Variants in NRXN1 observed in about 807,000 individuals in gnomAD.
NRXN1 encodes the protein neurexin-1.
A neutral mutation model predicts 150.9 loss-of-function variants in NRXN1; 39 were observed. The observed-to-expected ratio is 0.26, with a 90% confidence interval of 0.20 to 0.34. The LOEUF (loss-of-function observed/expected upper bound fraction) is 0.34. Among genes scored for constraint, NRXN1 ranks in the 10% least tolerant of loss-of-function variants. The pLI, the probability that NRXN1 is intolerant of heterozygous loss-of-function variation, is 1.00. For synonymous variants in NRXN1, 924 were observed against 757.0 expected, an observed-to-expected ratio of 1.22 and a Z score of -3.62; for missense variants, 1,815 against 1,949.9, an observed-to-expected ratio of 0.93 and a Z score of 1.30.
intron 5 of NRXN1, chr2:50,912,359 T>C (rs1469003469): frequency 6.6e-6 from 1 of 152,016 alleles, no homozygotes; most frequent in African/African-American, 2.4e-5. Context: ...AGGGAAGCTC[T>C]ATACATAGAG....
chr2:50,125,463 T>A (rs1003747301), intron 18 of NRXN1, among the ~76,000 whole-genome samples: 5 of 152,110 alleles, frequency 3.3e-5, no homozygotes, highest in African/African-American at 1.2e-4. Context: ...CAACAGGATA[T>A]GAAATCCTGG....
At chr2:50,810,184 C>A (rs1668020714) in intron 5 of NRXN1, among the ~76,000 whole-genome samples, 1 of 152,068 alleles carries the variant, frequency 6.6e-6, no homozygotes, top group African/African-American at 2.4e-5. Context: ...ACATGAGGTC[C>A]AACTAATTCC....
At chr2:50,659,048 A>G (rs1261844911) in intron 5 of NRXN1, among the ~76,000 whole-genome samples, 2 of 151,944 alleles carry the variant, frequency 1.3e-5, no homozygotes, top group Non-Finnish European at 2.9e-5. Context: ...TCACCACCCA[A>G]CTTCTGCCCT....
At chr2:50,017,243 A>T (rs1686799597) in intron 21 of NRXN1, among the ~76,000 whole-genome samples, 1 of 152,156 alleles carries the variant, frequency 6.6e-6, no homozygotes, top group South Asian at 2.1e-4. Context: ...GCCTTATAAT[A>T]TGTCAACTCT....
At chr2:50,260,191 C>T (rs1484052877) in intron 17 of NRXN1, among the ~76,000 whole-genome samples, 1 of 151,824 alleles carries the variant, frequency 6.6e-6, no homozygotes, top group East Asian at 1.9e-4. Flanking sequence ...ACATAGTGGT[C>T]ATGGGTACTG....
intron 17 of NRXN1, among the ~76,000 whole-genome samples, chr2:50,273,317 C>T (rs1219765612): frequency 6.6e-6 from 1 of 152,104 alleles, no homozygotes; most frequent in East Asian, 1.9e-4. Context: ...TATAAATAGC[C>T]AGTTTAATTA....
intron 5 of NRXN1, among the ~76,000 whole-genome samples, chr2:50,650,617 C>A (rs1172346725): frequency 1.3e-5 from 2 of 151,966 alleles, no homozygotes; most frequent in Non-Finnish European, 2.9e-5. Flanking sequence ...CCTAAACAAG[C>A]AGAAAAGTAG....
At chr2:50,236,169 G>A (rs956980669) in intron 18 of NRXN1, among the ~76,000 whole-genome samples, 3 of 151,878 alleles carry the variant, frequency 2.0e-5, no homozygotes. Flanking sequence ...AATTACTGTG[G>A]GAGGCTTACA....
intron 21 of NRXN1, among the ~76,000 whole-genome samples, chr2:50,050,887 T>C (rs559996995): frequency 1.1e-4 from 17 of 152,158 alleles, no homozygotes; most frequent in African/African-American, 3.8e-4. Context: ...TAAAATACTG[T>C]TGCTACTACT....
chr2:50,257,089 T>A (rs1204441045), intron 17 of NRXN1, among the ~76,000 whole-genome samples: 3 of 152,078 alleles, frequency 2.0e-5, no homozygotes, highest in South Asian at 2.1e-4. Context: ...GCAAGTAAAT[T>A]TGATAGAGAA....
chr2:50,565,210 C>G (rs1329569717), intron 8 of NRXN1, among the ~76,000 whole-genome samples: 2 of 151,890 alleles, frequency 1.3e-5, no homozygotes, highest in Non-Finnish European at 2.9e-5. Context: ...GGAATGGGAC[C>G]TTCTTGTTTT....
chr2:50,741,998 T>C (rs2105276561), intron 5 of NRXN1, among the ~76,000 whole-genome samples: 1 of 152,178 alleles, frequency 6.6e-6, no homozygotes, highest in East Asian at 1.9e-4. Flanking sequence ...GGTGTTTACT[T>C]GCCAACAAAT....
At chr2:49,928,238 T>C (rs553450008) in intron 22 of NRXN1, among the ~76,000 whole-genome samples, 20 of 151,924 alleles carry the variant, frequency 1.3e-4, no homozygotes, top group Non-Finnish European at 2.4e-4. Flanking sequence ...TTGTTAGATG[T>C]CCTGTCTTGC....
At chr2:50,072,820 C>T (rs1696501420) in intron 19 of NRXN1, among the ~76,000 whole-genome samples, 1 of 152,036 alleles carries the variant, frequency 6.6e-6, no homozygotes, top group African/African-American at 2.4e-5. Flanking sequence ...CAGTGAAGGC[C>T]CAGCAAGTGG....
At chr2:50,097,138 A>G (rs775873610) in intron 18 of NRXN1, among the ~76,000 whole-genome samples, 6 of 152,208 alleles carry the variant, frequency 3.9e-5, no homozygotes, top group Non-Finnish European at 7.3e-5. Context: ...GTTTGGCTCA[A>G]CTATGCTCAG....
chr2:50,619,007 T>C (rs1359600728), intron 8 of NRXN1: 1 of 152,072 alleles, frequency 6.6e-6, no homozygotes, highest in Non-Finnish European at 1.5e-5. Flanking sequence ...ATCCACATAC[T>C]GGGCAACAAA....
At chr2:50,967,107 T>C (rs921814500) in intron 2 of NRXN1, among the ~76,000 whole-genome samples, 7 of 151,948 alleles carry the variant, frequency 4.6e-5, no homozygotes, top group Admixed American at 3.9e-4. Context: ...TCCATGTCTA[T>C]TTTTTAAATT....
intron 5 of NRXN1, among the ~76,000 whole-genome samples, chr2:50,814,459 T>G (rs924273453): frequency 6.6e-6 from 1 of 152,198 alleles, no homozygotes; most frequent in African/African-American, 2.4e-5. Context: ...TTTATTCTAC[T>G]GCTTACATTT....
At chr2:50,641,771 C>G (rs957034368) in intron 5 of NRXN1, among the ~76,000 whole-genome samples, 4 of 152,084 alleles carry the variant, frequency 2.6e-5, no homozygotes, top group African/African-American at 4.8e-5. Context: ...GGTCATAAAT[C>G]TTGGCTCTGT....
Sources: gnomAD v4.1 joint callset for allele counts (sites outside exome capture counted in the v4.1 genomes callset) on GRCh38, gnomAD v4.1.1 for gene constraint, MANE v1.5 for transcripts, NCBI Gene and HGNC (gene_info 2026-07-23, HGNC 2026-07-21) for gene names.